ABCD3: variants seen among roughly 807,000 people sequenced by gnomAD.
ABCD3 encodes ATP-binding cassette sub-family D member 3.
ABCD3 carries 41 observed loss-of-function variants against 105.5 expected under a neutral mutation model. The observed-to-expected ratio is 0.39, with a 90% CI of 0.30 to 0.50. The LOEUF is 0.50. ABCD3 is among the 20% of genes least tolerant of loss of function. The probability of loss-of-function intolerance (pLI) is 0.84; values close to 1 mark genes in which losing one functional copy is unlikely to be tolerated. For synonymous variants in ABCD3, 258 were observed against 269.0 expected (o/e 0.96, Z 0.40); for missense variants, 622 against 806.3 (o/e 0.77, Z 2.77).
intron 6 of ABCD3, 120 bp from the exon 7 acceptor site, chr1:94,475,494 C>A: frequency 1.9e-6 from 2 of 1,076,306 alleles, no homozygotes; most frequent in South Asian, 1.4e-5. Context: ...AGGATCTCTT[C>A]TGGCTCCAAA....
chr1:94,490,055 G>C (rs1402375614), intron 15 of ABCD3, 80 bp downstream of exon 15: 1 of 1,307,802 alleles, frequency 7.6e-7, no homozygotes, highest in African/African-American at 1.5e-5. Context: ...GCTTACAATT[G>C]CTTAGTGTTT....
At chr1:94,453,439 C>T (rs1216096125) in intron 1 of ABCD3, among the ~76,000 whole-genome samples, 1 of 151,666 alleles carries the variant, frequency 6.6e-6, no homozygotes, top group East Asian at 1.9e-4. Flanking sequence ...CTGCCTCAGC[C>T]TTTTGAGTAG....
chr1:94,430,840 T>A (rs1659644498), intron 1 of ABCD3, among the ~76,000 whole-genome samples: 1 of 152,194 alleles, frequency 6.6e-6, no homozygotes, highest in Non-Finnish European at 1.5e-5. Context: ...ATGACTTTAA[T>A]TTTAAAAATT....
chr1:94,464,779 A>AG lies in ABCD3; in HGVS notation c.156dup (p.Lys53GlufsTer25). Reference sequence around the variant, plus strand: ...GGCTTCTTTTTTTTAATGCAGAAAGAGGGGAAAAAGGAGCGAGCTGTGGTG... The same window carrying AG: ...GGCTTCTTTTTTTTAATGCAGAAAGAGGGGGAAAAAGGAGCGAGCTGTGGTG... On this transcript the variant is annotated frameshift_variant, in exon 3 of 23. Coordinates refer to ENST00000370214, the MANE Select transcript of ABCD3 (RefSeq NM_002858.4). LOFTEE classifies it high-confidence loss of function. 1.2e-6 allele frequency: 2 copies of AG among 1,612,630 alleles called. No homozygotes were observed. Among genetic ancestry groups the AG allele is most frequent in the South Asian group, 1.1e-5 (1 of 91,020 alleles).
the ABCD3 span, among the ~76,000 whole-genome samples, chr1:94,403,103 T>G: frequency 2.0e-5 from 3 of 152,030 alleles, no homozygotes; most frequent in Non-Finnish European, 4.4e-5. Flanking sequence ...GATTTCCAAT[T>G]TCATCCATGT....
At chr1:94,465,419 C>A (rs1421795176) in intron 3 of ABCD3, among the ~76,000 whole-genome samples, 1 of 152,198 alleles carries the variant, frequency 6.6e-6, no homozygotes, top group Non-Finnish European at 1.5e-5. Context: ...TTTAAATCAT[C>A]ACCTGTCATA....
chr1:94,495,909 A>G (rs542405092), intron 16 of ABCD3, among the ~76,000 whole-genome samples: 1 of 152,160 alleles, frequency 6.6e-6, no homozygotes, highest in African/African-American at 2.4e-5. Context: ...AGTATATTCA[A>G]TTTTATGTGA....
At chr1:94,497,771 T>C (rs1649892456) in intron 16 of ABCD3, among the ~76,000 whole-genome samples, 1 of 152,196 alleles carries the variant, frequency 6.6e-6, no homozygotes, top group South Asian at 2.1e-4. Context: ...CAAAACAAAA[T>C]GCAGATGACC....
chr1:94,417,679 G>A (rs557068948), upstream of ABCD3, among the ~76,000 whole-genome samples: 1 of 152,306 alleles, frequency 6.6e-6, no homozygotes, highest in South Asian at 2.1e-4. Flanking sequence ...CGATACATAC[G>A]TGCAAAACAC....
the ABCD3 span, among the ~76,000 whole-genome samples, chr1:94,396,549 G>T: frequency 6.6e-6 from 1 of 151,904 alleles, no homozygotes; most frequent in Admixed American, 6.6e-5. Context: ...CTTTCCTCTC[G>T]TCTGCCTCTC....
At chr1:94,401,968 T>G in the ABCD3 span, among the ~76,000 whole-genome samples, 4 of 152,354 alleles carry the variant, frequency 2.6e-5, no homozygotes, top group East Asian at 7.7e-4. Context: ...CCAGTGGATT[T>G]TACCCCGCTC....
At chr1:94,459,204 C>G (rs376770193) in intron 2 of ABCD3, among the ~76,000 whole-genome samples, 36 of 152,010 alleles carry the variant, frequency 2.4e-4, no homozygotes, top group African/African-American at 8.7e-4. Flanking sequence ...GCCACCTTGC[C>G]TGGCTCTGTT....
intron 1 of ABCD3, among the ~76,000 whole-genome samples, chr1:94,448,926 C>G (rs1660462912): frequency 1.3e-5 from 2 of 152,184 alleles, no homozygotes; most frequent in African/African-American, 4.8e-5. Context: ...GCAATTGAAT[C>G]TAGCATTATT....
Position 94,467,922 on chromosome 1 carries a change from G to T in ABCD3, c.250G>T (p.Gly84Cys). 1 of 1,610,100 alleles carries T rather than the reference G, an allele frequency of 6.2e-7. No individual in the cohort carries two copies. The highest frequency in any genetic ancestry group is 8.5e-7 in the Non-Finnish European group (1 of 1,176,752). ...TACTATACCTGGTTTATTTTAGACA[G>T]GTTACTTGGTACTTATTGCTGTTAT... ...MVPRTFCKET[G>C]YLVLIAVMLV... The change falls in exon 4 of 23, where the codon GGT (glycine) becomes TGT (cysteine). Residue 84 changes from glycine to cysteine, a missense_variant. Physicochemically the swap from Gly to Cys is radical, Grantham distance 159. Transcript: ENST00000370214.
chr1:94,419,180 G>A, intron 1 of ABCD3: 1 of 599,130 alleles, frequency 1.7e-6, no homozygotes, highest in Non-Finnish European at 2.1e-6. Context: ...AAAGTGGTGA[G>A]CCCTTGGAGT....
intron 20 of ABCD3, among the ~76,000 whole-genome samples, chr1:94,504,324 G>A (rs1448107199): frequency 6.6e-6 from 1 of 152,046 alleles, no homozygotes; most frequent in Non-Finnish European, 1.5e-5. Flanking sequence ...CACCATGTTG[G>A]CCAGGCTAGT....
chr1:94,475,306 T>C (rs1648684957), intron 6 of ABCD3, 66 bp downstream of exon 6: 1 of 1,105,454 alleles, frequency 9.0e-7, no homozygotes, highest in African/African-American at 1.6e-5. Flanking sequence ...AGCTGATCAA[T>C]ATAGCAGTTT....
rs139836587 is a variant in ABCD3 at position 94,499,638 on chromosome 1, C to A, written c.1740+24C>A. 1,077 of 1,612,564 alleles carry A rather than the reference C, an allele frequency of 6.7e-4. 6 individuals carry two copies. In the African/African-American group the frequency reaches 0.012, roughly 19 times the overall value. ...CGGTAAGTATACTGTGAAGAAGTTG[C>A]ACAAGAATGCAACTGGTTCCAGCAT... is the stretch of plus-strand genomic sequence containing the variant. On this transcript the variant is annotated intron_variant, in intron 20 of 22. Transcript: ENST00000370214.
chr1:94,391,358 C>G, the ABCD3 span, among the ~76,000 whole-genome samples: 1 of 152,202 alleles, frequency 6.6e-6, no homozygotes, highest in African/African-American at 2.4e-5. Flanking sequence ...GGTTGACTCT[C>G]TGTCGCCCTC....
Sources: gnomAD v4.1 joint callset for allele counts (sites outside exome capture counted in the v4.1 genomes callset) on GRCh38, gnomAD v4.1.1 for gene constraint, MANE v1.5 for transcripts, NCBI Gene and HGNC (gene_info 2026-07-23, HGNC 2026-07-21) for gene names.